Variants in HECW1 observed in about 807,000 individuals in gnomAD.
HECW1 encodes E3 ubiquitin-protein ligase HECW1.
A neutral mutation model predicts 182.3 loss-of-function variants in HECW1; 61 were observed. The observed-to-expected ratio is 0.33, with a 90% CI of 0.27 to 0.41. The LOEUF (loss-of-function observed/expected upper bound fraction) is 0.41, where lower values mean the gene tolerates loss of function less well. Ranked by LOEUF, HECW1 falls within the 10% of genes least tolerant of loss-of-function variation. The pLI is 1.00. For synonymous variants in HECW1, 859 were observed against 832.6 expected, an observed-to-expected ratio of 1.03 and a Z score of -0.55; for missense variants, 1,739 against 2,108.9, an observed-to-expected ratio of 0.82 and a Z score of 3.44.
intron 2 of HECW1, among the ~76,000 whole-genome samples, chr7:43,187,569 T>C (rs957102002): frequency 6.6e-6 from 1 of 152,144 alleles, no homozygotes; most frequent in Non-Finnish European, 1.5e-5. Flanking sequence ...TTGTGACTTC[T>C]ATTACTAATA....
chr7:43,482,591 C>A (rs1225303658), intron 17 of HECW1, among the ~76,000 whole-genome samples: 4 of 152,020 alleles, frequency 2.6e-5, no homozygotes, highest in African/African-American at 9.7e-5. Flanking sequence ...TCAAAAGAAG[C>A]CAAGGAAAAG....
intron 2 of HECW1, among the ~76,000 whole-genome samples, chr7:43,174,308 G>A (rs1427937383): frequency 6.6e-6 from 1 of 152,154 alleles, no homozygotes; most frequent in Non-Finnish European, 1.5e-5. Context: ...GAGGGAGGCT[G>A]GACCCTTATC....
At chr7:43,455,670 A>G (rs1003227845) in intron 12 of HECW1, among the ~76,000 whole-genome samples, 2 of 152,154 alleles carry the variant, frequency 1.3e-5, no homozygotes, top group African/African-American at 2.4e-5. Context: ...TCTCTTTATA[A>G]ATTATTAGAA....
At chr7:43,357,830 T>C (rs571174930) in intron 5 of HECW1, among the ~76,000 whole-genome samples, 41 of 152,312 alleles carry the variant, frequency 2.7e-4, no homozygotes, top group African/African-American at 9.6e-4. Context: ...ATTTGATCTT[T>C]ACAAATTATA....
chr7:43,331,386 C>T (rs929284015), intron 5 of HECW1, among the ~76,000 whole-genome samples: 2 of 151,736 alleles, frequency 1.3e-5, no homozygotes, highest in African/African-American at 2.4e-5. Context: ...GTCAGGAGAT[C>T]GAGACCATCC....
Position 43,479,618 on chromosome 7 carries a change from C to T in HECW1, c.3108C>T (p.Phe1036=), listed in dbSNP as rs747490449. 5.6e-6 allele frequency: 9 copies of T among 1,613,884 alleles called. No individual in the cohort carries two copies. The highest frequency in any genetic ancestry group is 6.8e-6 in the Non-Finnish European group (8 of 1,179,952). Reference sequence around the variant, plus strand: ...CACTGGTCTGTTCGCAGTCTTTTTTCGTGGACCACAACAGTCGAGCTACCA... The same window carrying T: ...CACTGGTCTGTTCGCAGTCTTTTTTTGTGGACCACAACAGTCGAGCTACCA... ...IKTDQQGKSF[F]VDHNSRATTF... is the part of the protein sequence containing the mutation. Residue 1036 remains phenylalanine, a synonymous_variant, in exon 17 of 30, where the codon TTC becomes TTT. Transcript: ENST00000395891.
intron 7 of HECW1, among the ~76,000 whole-genome samples, chr7:43,401,317 G>A (rs1000283745): frequency 6.6e-5 from 10 of 152,096 alleles, no homozygotes; most frequent in African/African-American, 1.9e-4. Flanking sequence ...AGTCTCTCCC[G>A]GAAGGCATCA....
At chr7:43,163,069 C>T (rs1790725674) in intron 2 of HECW1, 1 of 152,240 alleles carries the variant, frequency 6.6e-6, no homozygotes, top group Non-Finnish European at 1.5e-5. Context: ...CACCTTTGGA[C>T]CTGTGCAGGC....
rs547787788 is a variant in HECW1, at chr7:43,164,647, A to G, written c.-32+50256A>G. On this transcript the variant is annotated intron_variant, in intron 2 of 29. Transcript: ENST00000395891. ...AGCCATGGCACAGTCCTTGGTGCAT[A>G]GTGGGTGTGTTTCAGGGCCACTGGA... Among the ~76,000 whole-genome samples, 158 of 152,264 alleles carry G rather than the reference A, an allele frequency of 1.0e-3. 1 individual carries two copies. Among genetic ancestry groups the G allele is most frequent in the African/African-American group, 3.6e-3 (151 of 41,548 alleles).
At chr7:43,414,178 G>A (rs990659952) in intron 8 of HECW1, among the ~76,000 whole-genome samples, 56 of 151,198 alleles carry the variant, frequency 3.7e-4, no homozygotes, top group Non-Finnish European at 2.5e-4. Context: ...CACATCCCTT[G>A]TAAGTTGGAT....
At chr7:43,484,778 C>T (rs978996583) in intron 17 of HECW1, among the ~76,000 whole-genome samples, 22 of 152,108 alleles carry the variant, frequency 1.4e-4, no homozygotes, top group African/African-American at 5.3e-4. Flanking sequence ...ATAAAAAGAT[C>T]GTTATTTGAC....
At chr7:43,114,417 A>C in intron 2 of HECW1, 26 bp downstream of exon 2, 2 of 1,332,998 alleles carry the variant, frequency 1.5e-6, no homozygotes, top group Non-Finnish European at 2.0e-6. Context: ...TTGGGGATTC[A>C]TTTAAAAATG....
chr7:43,184,048 C>T (rs1040746248), intron 2 of HECW1, among the ~76,000 whole-genome samples: 2 of 151,584 alleles, frequency 1.3e-5, no homozygotes, highest in East Asian at 1.9e-4. Context: ...AAGTCTCGCT[C>T]TGTTGCCCAG....
intron 5 of HECW1, among the ~76,000 whole-genome samples, chr7:43,321,451 T>C (rs1810104553): frequency 6.6e-6 from 1 of 152,150 alleles, no homozygotes. Context: ...GGGCTTCGTG[T>C]GTAGGTATTT....
chr7:43,305,283 C>T (rs7803525), intron 3 of HECW1, among the ~76,000 whole-genome samples: 80,480 of 152,006 alleles, frequency 0.53, 24,371 homozygotes, highest in African/African-American at 0.85. Context: ...TGAAACATTT[C>T]GTTAAGAACT....
At chr7:43,487,539 C>T (rs974392686) in intron 17 of HECW1, among the ~76,000 whole-genome samples, 3 of 152,174 alleles carry the variant, frequency 2.0e-5, no homozygotes, top group African/African-American at 7.2e-5. Context: ...CCACATGTGC[C>T]CACACACGCA....
chr7:43,130,397 T>G (rs1049179480), intron 2 of HECW1, among the ~76,000 whole-genome samples: 5 of 152,190 alleles, frequency 3.3e-5, no homozygotes, highest in African/African-American at 1.2e-4. Context: ...TTTGATAATT[T>G]TATACATGAT....
intron 7 of HECW1, among the ~76,000 whole-genome samples, chr7:43,407,159 C>G (rs2075638295): frequency 6.6e-6 from 1 of 152,146 alleles, no homozygotes; most frequent in Non-Finnish European, 1.5e-5. Context: ...CTGCACTCAG[C>G]CCCGTGGAGG....
intron 8 of HECW1, among the ~76,000 whole-genome samples, chr7:43,420,780 G>A (rs1174364566): frequency 6.6e-6 from 1 of 152,182 alleles, no homozygotes; most frequent in African/African-American, 2.4e-5. Flanking sequence ...CTACCACTTT[G>A]CTGAGAGAAA....
Sources: gnomAD v4.1 joint callset for allele counts (sites outside exome capture counted in the v4.1 genomes callset) on GRCh38, gnomAD v4.1.1 for gene constraint, MANE v1.5 for transcripts, NCBI Gene and HGNC (gene_info 2026-07-23, HGNC 2026-07-21) for gene names.